LINGO2: variants seen among roughly 807,000 people sequenced by gnomAD.
LINGO2 encodes leucine rich repeat and Ig domain containing 2.
LINGO2 carries 14 observed loss-of-function variants against 30.6 expected under a neutral mutation model. The ratio of observed to expected loss-of-function variants is 0.46; its 90% CI spans 0.30 to 0.72. The LOEUF (loss-of-function observed/expected upper bound fraction) is 0.72, where lower values mean the gene tolerates loss of function less well. Ranked by LOEUF, LINGO2 falls within the 30% of genes least tolerant of loss-of-function variation. LINGO2 has a pLI of 0.07. For missense variants in LINGO2, 729 were observed against 751.7 expected (o/e 0.97, Z 0.35); for synonymous variants, 317 against 288.5 (o/e 1.10, Z -1.00).
chr9:28,768,527 G>A, the LINGO2 span, among the ~76,000 whole-genome samples: 2 of 151,300 alleles, frequency 1.3e-5, no homozygotes, highest in African/African-American at 4.9e-5. Flanking sequence ...TGGGCAATTG[G>A]ATTTCAATAC....
chr9:28,218,721 G>A (rs1254534993), intron 4 of LINGO2, among the ~76,000 whole-genome samples: 3 of 151,992 alleles, frequency 2.0e-5, no homozygotes, highest in African/African-American at 7.2e-5. Flanking sequence ...CAATCTCACA[G>A]CCCAATGTCT....
chr9:28,620,345 T>C (rs1826335325), intron 1 of LINGO2, among the ~76,000 whole-genome samples: 1 of 152,120 alleles, frequency 6.6e-6, no homozygotes, highest in Non-Finnish European at 1.5e-5. Context: ...TTAAAAAGTA[T>C]TCAGTTTTCC....
chr9:27,978,133 TG>T (rs1820691312), intron 5 of LINGO2, among the ~76,000 whole-genome samples: 1 of 152,040 alleles, frequency 6.6e-6, no homozygotes, highest in South Asian at 2.1e-4. Flanking sequence ...GCTCCTGGGA[TG>T]AAATGTAAGA....
chr9:28,676,672 T>A, the LINGO2 span, among the ~76,000 whole-genome samples: 1 of 152,120 alleles, frequency 6.6e-6, no homozygotes, highest in African/African-American at 2.4e-5. Context: ...TACGAGGACT[T>A]CACTGTGGAT....
At chr9:28,403,940 G>T (rs1400459751) in intron 2 of LINGO2, among the ~76,000 whole-genome samples, 1 of 151,932 alleles carries the variant, frequency 6.6e-6, no homozygotes, top group Non-Finnish European at 1.5e-5. Context: ...AATTCCTTAA[G>T]ATGAAGATTA....
chr9:28,764,777 A>C, the LINGO2 span, among the ~76,000 whole-genome samples: 4 of 152,000 alleles, frequency 2.6e-5, no homozygotes, highest in Non-Finnish European at 5.9e-5. Context: ...AAAGATCATT[A>C]GAAATAATAA....
At chr9:28,544,461 G>C (rs971763814) in intron 1 of LINGO2, among the ~76,000 whole-genome samples, 1 of 151,934 alleles carries the variant, frequency 6.6e-6, no homozygotes, top group Non-Finnish European at 1.5e-5. Context: ...CAGGTACACC[G>C]AACCCTCTCT....
At chr9:29,010,283 C>G in the LINGO2 span, among the ~76,000 whole-genome samples, 15 of 152,286 alleles carry the variant, frequency 9.8e-5, no homozygotes, top group South Asian at 1.7e-3. Flanking sequence ...ATCTACCCAT[C>G]TGACAAAGGG....
chr9:29,023,477 A>C, the LINGO2 span, among the ~76,000 whole-genome samples: 134 of 152,254 alleles, frequency 8.8e-4, no homozygotes, highest in Non-Finnish European at 1.4e-3. Flanking sequence ...TGCTGTAGTC[A>C]TTGAATCTAG....
chr9:28,729,649 TGAA>T, the LINGO2 span, among the ~76,000 whole-genome samples: 4 of 150,630 alleles, frequency 2.7e-5, no homozygotes, highest in Non-Finnish European at 5.9e-5. Context: ...AAGATAAAGC[TGAA>T]GAAATCCCTG....
At chr9:28,403,860 T>C (rs1822380600) in intron 2 of LINGO2, among the ~76,000 whole-genome samples, 1 of 152,146 alleles carries the variant, frequency 6.6e-6, no homozygotes, top group African/African-American at 2.4e-5. Flanking sequence ...TATTTGCACA[T>C]GGAATATGAA....
the LINGO2 span, among the ~76,000 whole-genome samples, chr9:29,149,438 G>A: frequency 6.6e-6 from 1 of 152,070 alleles, no homozygotes; most frequent in Admixed American, 6.6e-5. Flanking sequence ...GATATTTCAA[G>A]AGAAAACACC....
At chr9:28,305,867 C>T (rs1461715816) in intron 3 of LINGO2, among the ~76,000 whole-genome samples, 4 of 152,018 alleles carry the variant, frequency 2.6e-5, no homozygotes, top group Non-Finnish European at 2.9e-5. Flanking sequence ...TCAAAGTCAG[C>T]CACACTATAT....
chr9:28,954,903 G>A, the LINGO2 span, among the ~76,000 whole-genome samples: 1 of 152,076 alleles, frequency 6.6e-6, no homozygotes, highest in Admixed American at 6.6e-5. Flanking sequence ...AATAACTAAG[G>A]CTGGACCAAG....
intron 1 of LINGO2, among the ~76,000 whole-genome samples, chr9:28,569,985 A>G (rs1823595524): frequency 6.6e-6 from 1 of 152,012 alleles, no homozygotes; most frequent in Non-Finnish European, 1.5e-5. Flanking sequence ...TGAAGTAGTG[A>G]TCAACATTTT....
chr9:29,113,603 T>C, the LINGO2 span, among the ~76,000 whole-genome samples: 2 of 152,204 alleles, frequency 1.3e-5, no homozygotes, highest in African/African-American at 4.8e-5. Context: ...TGAGCAATCT[T>C]TTCATTTCAC....
chr9:28,997,870 G>A, the LINGO2 span, among the ~76,000 whole-genome samples: 8 of 139,860 alleles, frequency 5.7e-5, no homozygotes, highest in South Asian at 1.2e-3. Flanking sequence ...GTTATAATTC[G>A]TTTGTCACTT....
Position 28,397,543 on chromosome 9 carries a change from C to CTTTTTTTT in LINGO2, c.-278-24683_-278-24676dup, listed in dbSNP as rs386414751. Among the ~76,000 whole-genome samples the CTTTTTTTT allele has an allele frequency of 1.4e-4, 15 of 110,024 alleles. 1 individual carries two copies. The East Asian group carries it at 2.4e-3, about 17-fold the overall frequency. The allele number at this position is 110,024 out of a possible 152,430, so 72.2% of individuals were successfully genotyped here. Reference sequence around the variant, plus strand: ...CAATACCATGCTGTACAATAGATGTCTTTTTTTTTTTTTTTTTTTTTTGAG... The same window carrying CTTTTTTTT: ...CAATACCATGCTGTACAATAGATGTCTTTTTTTTTTTTTTTTTTTTTTTTTTTTTTGAG... On this transcript the variant is annotated intron_variant, in intron 2 of 5. Coordinates refer to ENST00000379992, the Ensembl canonical transcript of LINGO2.
chr9:28,314,128 G>A (rs1824743996), intron 3 of LINGO2, among the ~76,000 whole-genome samples: 1 of 152,018 alleles, frequency 6.6e-6, no homozygotes, highest in Non-Finnish European at 1.5e-5. Context: ...TAGAGACGGG[G>A]TTTCACCATG....
Sources: gnomAD v4.1 joint callset for allele counts (sites outside exome capture counted in the v4.1 genomes callset) on GRCh38, gnomAD v4.1.1 for gene constraint, MANE v1.5 for transcripts, NCBI Gene and HGNC (gene_info 2026-07-23, HGNC 2026-07-21) for gene names.